AFF3: variants seen among roughly 807,000 people sequenced by gnomAD.
AFF3 encodes AF4/FMR2 family member 3.
A neutral mutation model predicts 129.7 loss-of-function variants in AFF3; 32 were observed. The observed-to-expected ratio is 0.25, with a 90% confidence interval of 0.19 to 0.33. The LOEUF is 0.33. Among genes scored for constraint, AFF3 ranks in the 10% least tolerant of loss-of-function variants. The pLI, the probability that AFF3 is intolerant of heterozygous loss-of-function variation, is 1.00. For missense variants in AFF3, 1,373 were observed against 1,592.0 expected (o/e 0.86, Z 2.34); for synonymous variants, 644 against 635.4 (o/e 1.01, Z -0.20).
chr2:100,107,197 T>C, intron 2 of AFF3: 1 of 985,410 alleles, frequency 1.0e-6, no homozygotes. Context: ...TTGCAGATCC[T>C]GTTTTTTACT....
chr2:99,923,929 T>C (rs896185007), intron 7 of AFF3, among the ~76,000 whole-genome samples: 16 of 152,160 alleles, frequency 1.1e-4, no homozygotes, highest in Non-Finnish European at 1.8e-4. Flanking sequence ...CTATAAAAGA[T>C]AGGAAAATCT....
intron 8 of AFF3, among the ~76,000 whole-genome samples, chr2:99,823,265 G>T (rs1373884058): frequency 1.1e-5 from 1 of 87,490 alleles, no homozygotes; most frequent in African/African-American, 4.5e-5. Flanking sequence ...CCAACCCCCC[G>T]CCCGCCCCAA....
chr2:99,593,142 G>T, intron 15 of AFF3, 53 bp downstream of exon 15: 1 of 1,517,250 alleles, frequency 6.6e-7, no homozygotes, highest in South Asian at 1.3e-5. Flanking sequence ...CACAAGTTAA[G>T]AGATAGCCCC....
chr2:100,116,944 G>T (rs144035214), intron 2 of AFF3, among the ~76,000 whole-genome samples: 2 of 152,144 alleles, frequency 1.3e-5, no homozygotes, highest in East Asian at 1.9e-4. Context: ...GAGTATTTTT[G>T]CCAGGTTTAA....
At chr2:99,839,578 T>C (rs779847095) in intron 7 of AFF3, among the ~76,000 whole-genome samples, 29 of 106,812 alleles carry the variant, frequency 2.7e-4, no homozygotes, top group Non-Finnish European at 5.4e-4. Context: ...TGATGTCTCA[T>C]TGTGGCTTTG....
intron 13 of AFF3, among the ~76,000 whole-genome samples, chr2:99,629,366 A>G (rs1265852514): frequency 2.6e-5 from 4 of 152,228 alleles, no homozygotes; most frequent in East Asian, 3.9e-4. Flanking sequence ...TATACCAACA[A>G]TAGCTGAGCC....
At chr2:99,636,244 C>G (rs1317558628) in intron 13 of AFF3, among the ~76,000 whole-genome samples, 1 of 152,180 alleles carries the variant, frequency 6.6e-6, no homozygotes, top group East Asian at 1.9e-4. Context: ...CTCCCTGACT[C>G]ACTGGCTGGG....
chr2:99,831,015 C>T (rs1688480967), intron 8 of AFF3, among the ~76,000 whole-genome samples: 1 of 152,178 alleles, frequency 6.6e-6, no homozygotes, highest in African/African-American at 2.4e-5. Context: ...CCCACACTCA[C>T]TGACACTAGG....
At position 99,593,467 on chromosome 2, in the gene AFF3, T is replaced by G. The variant is rs779454795; in HGVS notation, c.2194A>C (p.Ser732Arg). The G allele has an allele frequency of 6.2e-7, 1 of 1,614,004 alleles. No individual in the cohort carries two copies. Among genetic ancestry groups the G allele is most frequent in the Non-Finnish European group, 8.5e-7 (1 of 1,180,008 alleles). The change falls in exon 15 of 25, where the codon AGT becomes CGT. Residue 732 changes from serine to arginine, a missense_variant. By Grantham distance (110) the Ser-to-Arg change is moderately radical. Transcript: ENST00000672756. Reference sequence around the variant, plus strand: ...TCCTCCAGCTCCTTGGCGATGTCACTGGTGGTCCTGGCGTTGATGGAGCCT... The same window carrying G: ...TCCTCCAGCTCCTTGGCGATGTCACGGGTGGTCCTGGCGTTGATGGAGCCT... ...PVGSINARTT[S>R]DIAKELEEQF...
At chr2:99,946,247 C>A (rs13414570) in intron 7 of AFF3, among the ~76,000 whole-genome samples, 45 of 151,272 alleles carry the variant, frequency 3.0e-4, no homozygotes, top group African/African-American at 1.0e-3. Flanking sequence ...CTGAGGCAGG[C>A]GGGTCATTTG....
At chr2:99,857,582 T>C (rs1690620074) in intron 7 of AFF3, among the ~76,000 whole-genome samples, 1 of 152,190 alleles carries the variant, frequency 6.6e-6, no homozygotes, top group Non-Finnish European at 1.5e-5. Context: ...TTAGGTGTAA[T>C]AAACATTAAG....
chr2:99,938,231 G>C (rs1470869253), intron 7 of AFF3, among the ~76,000 whole-genome samples: 1 of 152,154 alleles, frequency 6.6e-6, no homozygotes, highest in Non-Finnish European at 1.5e-5. Flanking sequence ...TGTCTTCAAG[G>C]AAAATTTATA....
chr2:99,900,326 A>G (rs1347705845), intron 7 of AFF3, among the ~76,000 whole-genome samples: 1 of 152,164 alleles, frequency 6.6e-6, no homozygotes, highest in South Asian at 2.1e-4. Context: ...GGATGCAGAG[A>G]CTGTTATAGA....
chr2:99,675,815 A>G (rs955717412), intron 11 of AFF3, among the ~76,000 whole-genome samples: 4 of 152,136 alleles, frequency 2.6e-5, no homozygotes, highest in African/African-American at 9.7e-5. Flanking sequence ...CATGGGCCCA[A>G]CCCACTCCCA....
intron 11 of AFF3, among the ~76,000 whole-genome samples, chr2:99,680,491 G>T (rs998218607): frequency 6.6e-5 from 10 of 152,216 alleles, no homozygotes; most frequent in Non-Finnish European, 1.5e-4. Context: ...TGGCTGTACA[G>T]ATTTGGTGGT....
chr2:99,982,249 G>T (rs914414749), intron 7 of AFF3, among the ~76,000 whole-genome samples: 11 of 152,054 alleles, frequency 7.2e-5, no homozygotes, highest in African/African-American at 2.4e-4. Context: ...TGAATTATGG[G>T]GGCAGGTCTT....
rs1395885036 is a variant in AFF3 at position 99,559,056 on chromosome 2, T to C, written c.3192-88A>G. The C allele has an allele frequency of 5.1e-6, 6 of 1,180,344 alleles. No individual in the cohort carries two copies. In the East Asian group the frequency reaches 7.2e-5, roughly 14 times the overall value. The allele number at this position is 1,180,344 out of a possible 1,614,324, so 73.1% of individuals were successfully genotyped here. On this transcript the variant is annotated intron_variant, in intron 21 of 24. Transcript: ENST00000672756. ...AAACATTTTTGTTGTTGTTCTAAGG[T>C]ACTCAATAACAATACCTTGTTTCTA... is the stretch of plus-strand genomic sequence containing the variant.
At chr2:99,590,077 G>C (rs573102626) in intron 15 of AFF3, among the ~76,000 whole-genome samples, 1 of 152,234 alleles carries the variant, frequency 6.6e-6, no homozygotes, top group East Asian at 1.9e-4. Flanking sequence ...GGCCCTACCT[G>C]TGGTGCCCGA....
chr2:99,720,068 A>C (rs1678755883), intron 11 of AFF3, among the ~76,000 whole-genome samples: 1 of 152,084 alleles, frequency 6.6e-6, no homozygotes, highest in South Asian at 2.1e-4. Context: ...CAAACAAATA[A>C]ATAAAGTACG....
Sources: allele counts gnomAD v4.1 joint callset (sites outside exome capture counted in the v4.1 genomes callset), GRCh38; gene constraint gnomAD v4.1.1; transcripts MANE v1.5; gene names NCBI Gene and HGNC (gene_info 2026-07-23, HGNC 2026-07-21).